The following DPH6 variants were observed in gnomAD, a reference collection of about 807,000 sequenced individuals.
The protein encoded by DPH6 is diphthamine biosynthesis 6, also known as diphthine--ammonia ligase.
A neutral mutation model predicts 38.2 loss-of-function variants in DPH6; 33 were observed. That is an observed-to-expected ratio of 0.86 (90% CI 0.65 to 1.15). The LOEUF (loss-of-function observed/expected upper bound fraction) is 1.15. DPH6 is among the 50% of genes most tolerant of loss of function. The pLI, the probability that DPH6 is intolerant of heterozygous loss-of-function variation, is 0.00. For missense variants in DPH6, 325 were observed against 320.0 expected (o/e 1.02, Z -0.12); for synonymous variants, 108 against 103.0 (o/e 1.05, Z -0.30).
intron 3 of DPH6, among the ~76,000 whole-genome samples, chr15:35,457,383 T>C (rs2054010795): frequency 6.6e-6 from 1 of 152,176 alleles, no homozygotes; most frequent in African/African-American, 2.4e-5. Context: ...TTTTGAGGCC[T>C]CCTGGGTTCA....
chr15:35,408,527 A>C (rs962785953), intron 6 of DPH6, among the ~76,000 whole-genome samples: 5 of 151,982 alleles, frequency 3.3e-5, no homozygotes, highest in Admixed American at 1.3e-4. Flanking sequence ...CTTGGGAGTC[A>C]TCAGAATACA....
chr15:35,383,568 T>C (rs1480196400), intron 6 of DPH6, among the ~76,000 whole-genome samples: 1 of 152,242 alleles, frequency 6.6e-6, no homozygotes, highest in East Asian at 1.9e-4. Context: ...AACAGCGATA[T>C]TGCCTCTATA....
chr15:35,183,136 T>G, the DPH6 span, among the ~76,000 whole-genome samples: 1 of 152,214 alleles, frequency 6.6e-6, no homozygotes, highest in Non-Finnish European at 1.5e-5. Flanking sequence ...TTTAAACAGC[T>G]CTACTTTACA....
chr15:35,345,817 T>C (rs956420645), intron 3 of DPH6, among the ~76,000 whole-genome samples: 5 of 152,038 alleles, frequency 3.3e-5, no homozygotes, highest in African/African-American at 1.2e-4. Flanking sequence ...TCTCACCCAC[T>C]GAGTAAAGCT....
chr15:35,392,190 T>G (rs893071120), intron 6 of DPH6, among the ~76,000 whole-genome samples: 5 of 152,194 alleles, frequency 3.3e-5, no homozygotes, highest in African/African-American at 1.2e-4. Flanking sequence ...AAGAAATTAC[T>G]TACATGAATC....
At chr15:35,155,495 GCT>G in the DPH6 span, among the ~76,000 whole-genome samples, 2 of 152,210 alleles carry the variant, frequency 1.3e-5, no homozygotes, top group Non-Finnish European at 2.9e-5. Flanking sequence ...AGGTCTTTCA[GCT>G]CTTTGTCCAC....
chr15:35,249,696 T>C (rs986170409), intron 3 of DPH6, among the ~76,000 whole-genome samples: 2 of 152,174 alleles, frequency 1.3e-5, no homozygotes, highest in African/African-American at 4.8e-5. Flanking sequence ...CGAAGAACTT[T>C]AAAAATAGCA....
At chr15:35,329,053 C>T (rs558486527), downstream of DPH6, among the ~76,000 whole-genome samples, 258 of 152,274 alleles carry the variant, frequency 1.7e-3, 1 homozygote, top group African/African-American at 6.0e-3. Flanking sequence ...CCCACTGGGT[C>T]CCTCCCACAT....
At chr15:35,179,273 C>T in the DPH6 span, among the ~76,000 whole-genome samples, 1 of 145,376 alleles carries the variant, frequency 6.9e-6, no homozygotes, top group East Asian at 2.1e-4. Flanking sequence ...CAATTTACAT[C>T]AAATTTTAAA....
chr15:35,182,971 A>T, the DPH6 span, among the ~76,000 whole-genome samples: 1 of 152,198 alleles, frequency 6.6e-6, no homozygotes, highest in South Asian at 2.1e-4. Flanking sequence ...CACAATGCAA[A>T]ACAAAGACTA....
the DPH6 span, among the ~76,000 whole-genome samples, chr15:35,146,711 A>C: frequency 6.6e-6 from 1 of 152,152 alleles, no homozygotes; most frequent in African/African-American, 2.4e-5. Flanking sequence ...ATTTTACAAC[A>C]TTTATTATCA....
chr15:35,404,849 T>C (rs1049071415), intron 6 of DPH6, among the ~76,000 whole-genome samples: 8 of 152,154 alleles, frequency 5.3e-5, no homozygotes, highest in African/African-American at 1.7e-4. Flanking sequence ...AGGAGTTTCA[T>C]AATTTGAGGT....
At chr15:35,361,811 A>G (rs1281485673) in intron 3 of DPH6, among the ~76,000 whole-genome samples, 1 of 150,494 alleles carries the variant, frequency 6.6e-6, no homozygotes, top group Non-Finnish European at 1.5e-5. Context: ...TGGTTTTCTC[A>G]TTTTGTTTAT....
chr15:35,291,616 T>C (rs2051980944), intron 3 of DPH6, among the ~76,000 whole-genome samples: 2 of 152,278 alleles, frequency 1.3e-5, no homozygotes, highest in South Asian at 4.1e-4. Flanking sequence ...AAAAATGGCT[T>C]AAATTTTCTT....
intron 3 of DPH6, among the ~76,000 whole-genome samples, chr15:35,480,837 C>G (rs1326022762): frequency 6.6e-6 from 1 of 151,900 alleles, no homozygotes; most frequent in Non-Finnish European, 1.5e-5. Context: ...AAGAGCATCT[C>G]TTTTTATGGA....
intron 2 of DPH6, among the ~76,000 whole-genome samples, chr15:35,539,864 A>C (rs754624000): frequency 9.2e-5 from 14 of 152,044 alleles, no homozygotes; most frequent in Non-Finnish European, 1.9e-4. Flanking sequence ...CTGAACTCAC[A>C]CATTGTTAGA....
chr15:35,325,732 T>G (rs1422465172), intron 3 of DPH6, among the ~76,000 whole-genome samples: 4 of 152,184 alleles, frequency 2.6e-5, no homozygotes, highest in Non-Finnish European at 5.9e-5. Context: ...TAATAAACTG[T>G]ACTGCACTAA....
chr15:35,153,550 CCTT>C, the DPH6 span, among the ~76,000 whole-genome samples: 3 of 152,118 alleles, frequency 2.0e-5, no homozygotes, highest in Non-Finnish European at 4.4e-5. Context: ...ATTAGGCCAT[CCTT>C]CTAAGAAGCA....
chr15:35,441,032 G>T (rs2053780780), intron 5 of DPH6, among the ~76,000 whole-genome samples: 1 of 152,176 alleles, frequency 6.6e-6, no homozygotes, highest in Non-Finnish European at 1.5e-5. Flanking sequence ...AGACATTTAT[G>T]CAGCCAACAA....
Sources: gnomAD v4.1 joint callset for allele counts (sites outside exome capture counted in the v4.1 genomes callset) on GRCh38, gnomAD v4.1.1 for gene constraint, MANE v1.5 for transcripts, NCBI Gene and HGNC (gene_info 2026-07-23, HGNC 2026-07-21) for gene names.